The following FGF14 variants were observed in gnomAD, a reference collection of about 807,000 sequenced individuals.
The protein encoded by FGF14 is fibroblast growth factor homologous factor 4.
In FGF14, 5 loss-of-function variants were observed where a neutral mutation model predicts 25.5. The ratio of observed to expected loss-of-function variants is 0.20; its 90% confidence interval spans 0.10 to 0.41. The LOEUF is 0.41. Ranked by LOEUF, FGF14 falls within the 10% of genes least tolerant of loss-of-function variation. The probability of loss-of-function intolerance (pLI) is 1.00; values close to 1 mark genes in which losing one functional copy is unlikely to be tolerated. For missense variants in FGF14, 222 were observed against 320.1 expected (o/e 0.69, Z 2.34); for synonymous variants, 138 against 118.3 (o/e 1.17, Z -1.08).
chr13:102,230,898 A>G (rs9518669), intron 1 of FGF14, among the ~76,000 whole-genome samples: 14,270 of 152,228 alleles, frequency 0.094, 1,024 homozygotes, highest in East Asian at 0.39. Flanking sequence ...TTAACATTCA[A>G]ACTAATTGGG....
intron 1 of FGF14, among the ~76,000 whole-genome samples, chr13:102,309,131 A>T (rs1295373197): frequency 2.0e-5 from 1 of 50,138 alleles, no homozygotes; most frequent in Non-Finnish European, 3.5e-5. Context: ...ATACATGCAT[A>T]ACATACACAC....
chr13:102,166,005 T>C (rs562553893), intron 1 of FGF14, among the ~76,000 whole-genome samples: 4 of 151,862 alleles, frequency 2.6e-5, no homozygotes, highest in African/African-American at 9.6e-5. Context: ...ATTCACTTTG[T>C]TGTCCAGCCA....
intron 1 of FGF14, among the ~76,000 whole-genome samples, chr13:101,949,520 G>A (rs2036024281): frequency 2.0e-5 from 3 of 152,104 alleles, no homozygotes; most frequent in Admixed American, 1.3e-4. Flanking sequence ...CATTAATTTG[G>A]TAAGTGCTGA....
chr13:101,880,455 T>TTGTA (rs2045640513), intron 1 of FGF14, among the ~76,000 whole-genome samples: 3 of 152,120 alleles, frequency 2.0e-5, no homozygotes, highest in African/African-American at 7.2e-5. Context: ...TAATCCCAGC[T>TTGTA]ATTCTGGAGG....
chr13:102,153,719 C>G (rs1396487464), intron 1 of FGF14, among the ~76,000 whole-genome samples: 1 of 152,096 alleles, frequency 6.6e-6, no homozygotes, highest in Non-Finnish European at 1.5e-5. Context: ...CTTGCCTTCC[C>G]AGCCTCTGGT....
chr13:101,985,056 C>T (rs1261445032), intron 1 of FGF14, among the ~76,000 whole-genome samples: 1 of 146,468 alleles, frequency 6.8e-6, no homozygotes, highest in Non-Finnish European at 1.5e-5. Context: ...AAGACCTGGC[C>T]ATGAATTCAA....
chr13:101,970,804 A>G (rs1341711458), intron 1 of FGF14, among the ~76,000 whole-genome samples: 1 of 152,158 alleles, frequency 6.6e-6, no homozygotes, highest in Admixed American at 6.6e-5. Context: ...CTGCTGCCTG[A>G]GAGACTTTGT....
At chr13:101,785,628 A>G (rs1398367246) in intron 3 of FGF14, among the ~76,000 whole-genome samples, 1 of 152,068 alleles carries the variant, frequency 6.6e-6, no homozygotes, top group African/African-American at 2.4e-5. Context: ...TCTATTAACT[A>G]TTATCAATAT....
chr13:102,382,837 T>C (rs557890391), intron 1 of FGF14, among the ~76,000 whole-genome samples: 2 of 152,204 alleles, frequency 1.3e-5, no homozygotes, highest in South Asian at 2.1e-4. Flanking sequence ...AAAACATTAC[T>C]CTAAATAAAA....
intron 1 of FGF14, among the ~76,000 whole-genome samples, chr13:101,945,857 C>G (rs958856771): frequency 6.6e-6 from 1 of 152,174 alleles, no homozygotes; most frequent in Non-Finnish European, 1.5e-5. Context: ...TGTTGCCCTC[C>G]ATGGTGGCAT....
At chr13:102,229,387 T>C (rs1250329574) in intron 1 of FGF14, among the ~76,000 whole-genome samples, 1 of 152,210 alleles carries the variant, frequency 6.6e-6, no homozygotes, top group South Asian at 2.1e-4. Flanking sequence ...AGAACGACTA[T>C]TATCACCGTT....
At chr13:102,201,157 A>C (rs1391501665) in intron 1 of FGF14, among the ~76,000 whole-genome samples, 1 of 149,128 alleles carries the variant, frequency 6.7e-6, no homozygotes, top group Non-Finnish European at 1.5e-5. Context: ...TCTTTATCAA[A>C]AGTCTCCTCA....
chr13:101,969,927 G>A (rs755808595), intron 1 of FGF14, among the ~76,000 whole-genome samples: 4 of 152,128 alleles, frequency 2.6e-5, no homozygotes, highest in Non-Finnish European at 4.4e-5. Context: ...TATTCCTGCC[G>A]GTAGCAAACA....
intron 3 of FGF14, among the ~76,000 whole-genome samples, chr13:101,758,447 T>C (rs1278904245): frequency 2.6e-5 from 4 of 152,314 alleles, no homozygotes; most frequent in Non-Finnish European, 5.9e-5. Flanking sequence ...AATGCAAATA[T>C]GGCTTTTGCT....
intron 1 of FGF14, among the ~76,000 whole-genome samples, chr13:102,380,111 T>C (rs999261560): frequency 2.0e-5 from 3 of 151,762 alleles, no homozygotes; most frequent in Non-Finnish European, 4.4e-5. Flanking sequence ...AAATCTTAAA[T>C]GCAAGATAAC....
chr13:102,072,862 A>C (rs1246905328), intron 1 of FGF14, among the ~76,000 whole-genome samples: 3 of 152,212 alleles, frequency 2.0e-5, no homozygotes. Flanking sequence ...TAGTAATATA[A>C]ATGTGTAAAT....
intron 1 of FGF14, among the ~76,000 whole-genome samples, chr13:101,980,449 T>G (rs960939585): frequency 3.9e-5 from 6 of 152,186 alleles, no homozygotes; most frequent in Non-Finnish European, 7.3e-5. Context: ...AGAAGTCTAC[T>G]GTAAATGATA....
intron 3 of FGF14, among the ~76,000 whole-genome samples, chr13:101,759,194 G>T (rs1368477876): frequency 2.0e-5 from 3 of 152,134 alleles, no homozygotes; most frequent in African/African-American, 7.2e-5. Context: ...TAACTTTTCT[G>T]TCCCCTTCCA....
rs1296623232 is a variant in FGF14 at position 101,715,974 on chromosome 13, G to C, written c.*6857C>G. The C allele has an allele frequency of 2.1e-5, 6 of 289,476 alleles. No homozygotes were observed. Among genetic ancestry groups the C allele is most frequent in the Non-Finnish European group, 3.3e-5 (5 of 149,988 alleles). 17.9% of individuals were successfully genotyped at this position (289,476 alleles called of 1,614,324 possible). On this transcript the variant is annotated 3_prime_UTR_variant, in exon 5 of 5. Transcript: ENST00000376143. ...CACACTGGGTCGGGTAGGAAGGTAT[G>C]CTGCAGACATTTGGTGGGTAGAGGC...
Sources: gnomAD v4.1 joint callset for allele counts (sites outside exome capture counted in the v4.1 genomes callset) on GRCh38, gnomAD v4.1.1 for gene constraint, MANE v1.5 for transcripts, NCBI Gene and HGNC (gene_info 2026-07-23, HGNC 2026-07-21) for gene names.